Variants in ZNF544 observed in about 807,000 individuals in gnomAD.
ZNF544 encodes the protein zinc finger protein 544.
In ZNF544, 10 loss-of-function variants were observed where a neutral mutation model predicts 13.5. The observed-to-expected ratio is 0.74, with a 90% CI of 0.46 to 1.25. The LOEUF is 1.25. ZNF544 is among the 50% of genes most tolerant of loss of function. The pLI, the probability that ZNF544 is intolerant of heterozygous loss-of-function variation, is 0.00. For synonymous variants in ZNF544, 323 were observed against 300.5 expected (o/e 1.07, Z -0.77); for missense variants, 896 against 845.6 (o/e 1.06, Z -0.74).
At chr19:58,255,784 G>A (rs943068776) in intron 6 of ZNF544, among the ~76,000 whole-genome samples, 7 of 152,342 alleles carry the variant, frequency 4.6e-5, no homozygotes, top group African/African-American at 1.7e-4. Flanking sequence ...ATCACAGATA[G>A]GGATCAGGGA....
intron 6 of ZNF544, chr19:58,259,000 A>G (rs2048306673): frequency 6.6e-6 from 1 of 152,210 alleles, no homozygotes; most frequent in Middle Eastern, 3.2e-3. Context: ...AAGATCAACC[A>G]TATTTTGTAA....
At chr19:58,239,387 A>AC (rs949180474) in intron 3 of ZNF544, among the ~76,000 whole-genome samples, 1 of 26,618 alleles carries the variant, frequency 3.8e-5, no homozygotes, top group African/African-American at 1.8e-4. Flanking sequence ...AAACATGGCC[A>AC]ATGTTCCCGG....
chr19:58,244,280 C>G (rs1358087119), intron 4 of ZNF544, among the ~76,000 whole-genome samples: 1 of 151,928 alleles, frequency 6.6e-6, no homozygotes, highest in East Asian at 2.0e-4. Context: ...TCTCCCATGC[C>G]TGTTCCACCA....
chr19:58,233,299 G>T (rs1490212064), intron 3 of ZNF544, among the ~76,000 whole-genome samples: 1 of 152,132 alleles, frequency 6.6e-6, no homozygotes, highest in Non-Finnish European at 1.5e-5. Context: ...AACCACATCA[G>T]CCTCCAAAAG....
chr19:58,261,935 A>G lies in ZNF544; in HGVS notation c.1329A>G (p.Lys443=). The change falls in exon 7 of 7, where the codon AAA becomes AAG. Residue 443 remains lysine (K), a synonymous_variant. Coordinates refer to ENST00000687789, the MANE Select transcript of ZNF544 (RefSeq NM_014480.4). ...EKPYQCIECR[K]SFRWNSNLIV... ...CGTATCAGTGTATTGAATGCAGAAA[A>G]TCCTTCAGGTGGAACTCTAACCTCA... is the stretch of plus-strand genomic sequence containing the variant. 2 of 1,613,376 alleles carry G rather than the reference A, an allele frequency of 1.2e-6. No homozygotes were observed. The highest frequency in any genetic ancestry group is 1.1e-5 in the South Asian group (1 of 91,048).
rs1173888942 is a variant in ZNF544, at chr19:58,261,697, G to A, written c.1091G>A (p.Ser364Asn). Residue 364 changes from serine to asparagine, a missense_variant, in exon 7 of 7, where the codon AGC (serine) becomes AAC (asparagine). Ser to Asn is a conservative substitution (Grantham distance 46). Coordinates refer to ENST00000687789, the MANE Select transcript of ZNF544 (RefSeq NM_014480.4). ...SVCNQCGKSF[S>N]CCKLIHQRTH... ...TGTAATCAGTGTGGAAAATCTTTCA[G>A]CTGTTGTAAGCTCATACACCAGAGA... The A allele has an allele frequency of 2.5e-6, 4 of 1,614,104 alleles. No individual in the cohort carries two copies. The highest frequency in any genetic ancestry group is 1.1e-5 in the South Asian group (1 of 91,094).
At position 58,262,335 on chromosome 19, in the gene ZNF544, G is replaced by A. The variant is rs193193864; in HGVS notation, c.1729G>A (p.Asp577Asn). ...QRIHTGEKPY[D>N]CTHCGKSFSQ... ...AATTCATACTGGAGAGAAACCGTAC[G>A]ATTGCACTCACTGTGGAAAGTCCTT... Residue 577 changes from aspartate to asparagine, a missense_variant, in exon 7 of 7, where the codon GAT becomes AAT. Physicochemically the swap from Asp to Asn is conservative, Grantham distance 23 (BLOSUM62 1). Coordinates refer to ENST00000687789, the MANE Select transcript of ZNF544 (RefSeq NM_014480.4). The A allele has an allele frequency of 2.2e-5, 35 of 1,613,870 alleles. No individual in the cohort carries two copies. The Middle Eastern group carries it at 1.2e-3, about 53-fold the overall frequency.
At chr19:58,239,386 C>CA (rs57387838) in intron 3 of ZNF544, among the ~76,000 whole-genome samples, 88,993 of 151,880 alleles carry the variant, frequency 0.59, 26,244 homozygotes, top group Middle Eastern at 0.69. Flanking sequence ...CAAACATGGC[C>CA]AATGTTCCCG....
At chr19:58,246,609 G>T in intron 5 of ZNF544, 102 bp from the exon 6 acceptor site, 1 of 1,480,168 alleles carries the variant, frequency 6.8e-7, no homozygotes, top group South Asian at 1.2e-5. Flanking sequence ...TCCTAACAGT[G>T]GGGAGTTTCC....
chr19:58,249,319 G>A (rs367675602), intron 6 of ZNF544, among the ~76,000 whole-genome samples: 14 of 152,226 alleles, frequency 9.2e-5, no homozygotes, highest in African/African-American at 2.9e-4. Context: ...CAGTCCCTAC[G>A]TACTGGGGAA....
chr19:58,243,690 C>T (rs1375862530), intron 3 of ZNF544, among the ~76,000 whole-genome samples: 1 of 152,142 alleles, frequency 6.6e-6, no homozygotes, highest in African/African-American at 2.4e-5. Context: ...CTGGCCTCCA[C>T]CTCCCTTCCT....
intron 3 of ZNF544, among the ~76,000 whole-genome samples, chr19:58,237,722 A>G (rs1328711399): frequency 6.6e-6 from 1 of 152,124 alleles, no homozygotes; most frequent in East Asian, 1.9e-4. Context: ...ATGCTGTTGG[A>G]GTGCAGCAGA....
At chr19:58,248,448 G>A (rs763227168) in intron 6 of ZNF544, among the ~76,000 whole-genome samples, 12 of 149,696 alleles carry the variant, frequency 8.0e-5, no homozygotes, top group Non-Finnish European at 1.8e-4. Context: ...GCCCAGGCTT[G>A]TCTTGAACTC....
In ZNF544 at chr19:58,236,259, G is replaced by A. The variant is rs74684904; in HGVS notation, c.-60+5797G>A. Among the ~76,000 whole-genome samples the A allele has an allele frequency of 3.0e-4, 46 of 151,808 alleles. No homozygotes were observed. In the East Asian group the frequency reaches 9.0e-3, roughly 30 times the overall value. ...TGACTCACGCAATGCTAGCACTTTG[G>A]GAGGCCGAGGCGGGCAGATCACCTG... On this transcript the variant is annotated intron_variant, in intron 3 of 6. Transcript: ENST00000687789.
rs570798132 is a variant in ZNF544, at chr19:58,262,947, G to A, written c.*193G>A. On this transcript the variant is annotated 3_prime_UTR_variant, in exon 7 of 7. Transcript: ENST00000687789. ...GATTGTGGGAAAGCCTTCAATGATC[G>A]CTCAACCCTTAGTAAACACGAGAGG... The A allele has an allele frequency of 2.6e-5, 37 of 1,409,580 alleles. No individual in the cohort carries two copies. The African/African-American group carries it at 3.2e-4, about 12-fold the overall frequency. 87.3% of individuals were successfully genotyped at this position (1,409,580 alleles called of 1,614,324 possible).
chr19:58,229,276 TGGGTG>T, intron 1 of ZNF544, 187 bp from the exon 2 acceptor site: 1 of 16,878 alleles, frequency 5.9e-5, no homozygotes, highest in Non-Finnish European at 1.2e-4. Context: ...GGGGTGGAAC[TGGGTG>T]GGACTGGGTG....
intron 3 of ZNF544, chr19:58,242,322 A>T: frequency 1.0e-6 from 1 of 970,482 alleles, no homozygotes; most frequent in African/African-American, 1.8e-5. Context: ...AGAACTGCCT[A>T]AAAAATACAG....
rs76148064 is a variant in ZNF544, at chr19:58,234,339, G to A, written c.-60+3877G>A. Among the ~76,000 whole-genome samples, 294 of 152,282 alleles carry A rather than the reference G, an allele frequency of 1.9e-3. 2 individuals are homozygous for A. The East Asian group carries it at 0.022, about 11-fold the overall frequency. On this transcript the variant is annotated intron_variant, in intron 3 of 6. Transcript: ENST00000687789. Reference sequence around the variant, plus strand: ...CTCCCTTCCCTTAACCTCATCTTGTGGGCCTAGAACTGTTGTCTTTCCTTG... The same window carrying A: ...CTCCCTTCCCTTAACCTCATCTTGTAGGCCTAGAACTGTTGTCTTTCCTTG...
At chr19:58,273,200 G>A (rs1157914536) in intron 5 of ZNF544, among the ~76,000 whole-genome samples, 1 of 151,118 alleles carries the variant, frequency 6.6e-6, no homozygotes, top group East Asian at 1.9e-4. Context: ...AAAGAAGAAA[G>A]AAACCAAAAA....
Sources: allele counts gnomAD v4.1 joint callset (sites outside exome capture counted in the v4.1 genomes callset), GRCh38; gene constraint gnomAD v4.1.1; transcripts MANE v1.5; gene names NCBI Gene and HGNC (gene_info 2026-07-23, HGNC 2026-07-21).